Variants in IMMP2L observed in about 807,000 individuals in gnomAD.
IMMP2L encodes the protein mitochondrial inner membrane protease subunit 2.
IMMP2L carries 18 observed loss-of-function variants against 19.3 expected under a neutral mutation model. That is an observed-to-expected ratio of 0.93 (90% CI 0.64 to 1.38). The LOEUF (loss-of-function observed/expected upper bound fraction) is 1.38, where lower values mean the gene tolerates loss of function less well. Ranked by LOEUF, IMMP2L falls within the 40% of genes most tolerant of loss-of-function variation. The pLI, the probability that IMMP2L is intolerant of heterozygous loss-of-function variation, is 0.00. For missense variants in IMMP2L, 233 were observed against 218.2 expected (o/e 1.07, Z -0.43); for synonymous variants, 76 against 73.0 (o/e 1.04, Z -0.21).
chr7:111,024,704 TC>T (rs1270961904), intron 3 of IMMP2L, among the ~76,000 whole-genome samples: 1 of 152,186 alleles, frequency 6.6e-6, no homozygotes, highest in Admixed American at 6.6e-5. Context: ...TCAATAACTA[TC>T]ACACATCTAG....
chr7:111,289,215 C>G (rs2130811125), intron 3 of IMMP2L, among the ~76,000 whole-genome samples: 1 of 148,468 alleles, frequency 6.7e-6, no homozygotes, highest in East Asian at 2.0e-4. Flanking sequence ...GGGAGCTGAT[C>G]AATGAGAACA....
At chr7:111,156,060 T>C (rs1391597476) in intron 3 of IMMP2L, among the ~76,000 whole-genome samples, 1 of 151,918 alleles carries the variant, frequency 6.6e-6, no homozygotes, top group Non-Finnish European at 1.5e-5. Context: ...TTCATTGCTC[T>C]ATAGAATTTA....
At chr7:110,738,090 T>C (rs1298615978) in intron 5 of IMMP2L, among the ~76,000 whole-genome samples, 1 of 152,190 alleles carries the variant, frequency 6.6e-6, no homozygotes, top group Non-Finnish European at 1.5e-5. Context: ...CCCTCTGATG[T>C]AGTCTACCCA....
chr7:111,053,058 C>A (rs1793144541), intron 3 of IMMP2L, among the ~76,000 whole-genome samples: 1 of 152,142 alleles, frequency 6.6e-6, no homozygotes, highest in African/African-American at 2.4e-5. Context: ...ATGAATTTGA[C>A]TAAGGGCCAT....
In IMMP2L at chr7:110,840,218, C is replaced by A. The variant is rs559624636; in HGVS notation, c.408+46375G>T. ...CCACTTTCACCCTCAGACATAGGAGCGGTAATAGCTCCTACTATTGCTAGC... is the reference window on the plus strand; with the variant it reads ...CCACTTTCACCCTCAGACATAGGAGAGGTAATAGCTCCTACTATTGCTAGC... On this transcript the variant is annotated intron_variant, in intron 5 of 5. Coordinates refer to ENST00000405709, the MANE Select transcript of IMMP2L (RefSeq NM_032549.4). Among the ~76,000 whole-genome samples, 9 of 152,186 alleles carry A rather than the reference C, an allele frequency of 5.9e-5. No individual in the cohort carries two copies. In the East Asian group the frequency reaches 1.2e-3, roughly 20 times the overall value.
chr7:111,531,662 T>C (rs1400166399), intron 1 of IMMP2L, among the ~76,000 whole-genome samples: 2 of 152,170 alleles, frequency 1.3e-5, no homozygotes, highest in Non-Finnish European at 2.9e-5. Flanking sequence ...CACTGTACTT[T>C]ATTTTTTTCC....
intron 3 of IMMP2L, among the ~76,000 whole-genome samples, chr7:111,193,887 G>C (rs562566564): frequency 6.6e-6 from 1 of 152,044 alleles, no homozygotes. Context: ...TATTTAATCT[G>C]TGTCCTACTC....
At chr7:111,358,550 C>G (rs1314658366) in intron 3 of IMMP2L, among the ~76,000 whole-genome samples, 1 of 152,026 alleles carries the variant, frequency 6.6e-6, no homozygotes, top group African/African-American at 2.4e-5. Context: ...AGTATCCACA[C>G]CAGGCAGCAA....
At chr7:111,142,401 C>A (rs1803032940) in intron 3 of IMMP2L, among the ~76,000 whole-genome samples, 1 of 150,342 alleles carries the variant, frequency 6.7e-6, no homozygotes, top group African/African-American at 2.5e-5. Flanking sequence ...AGTAAGAAAC[C>A]CATGTATTAT....
At chr7:111,025,718 A>C (rs1826737468) in intron 3 of IMMP2L, among the ~76,000 whole-genome samples, 1 of 152,182 alleles carries the variant, frequency 6.6e-6, no homozygotes, top group Non-Finnish European at 1.5e-5. Flanking sequence ...CCAGTGCTTA[A>C]GCCTAGTTGG....
At chr7:111,126,584 A>T (rs936587636) in intron 3 of IMMP2L, among the ~76,000 whole-genome samples, 2 of 152,174 alleles carry the variant, frequency 1.3e-5, no homozygotes, top group Non-Finnish European at 2.9e-5. Flanking sequence ...AAAAGATTAC[A>T]AATCATTGAA....
intron 3 of IMMP2L, among the ~76,000 whole-genome samples, chr7:111,363,830 T>G (rs1829488882): frequency 6.6e-6 from 1 of 152,138 alleles, no homozygotes; most frequent in Non-Finnish European, 1.5e-5. Flanking sequence ...TTTTCTCCTG[T>G]ACTTACTCTT....
chr7:111,226,567 C>T (rs922273318), intron 3 of IMMP2L, among the ~76,000 whole-genome samples: 7 of 152,100 alleles, frequency 4.6e-5, no homozygotes, highest in African/African-American at 1.7e-4. Context: ...GGTCATTCTA[C>T]TGCTTGATCA....
intron 3 of IMMP2L, among the ~76,000 whole-genome samples, chr7:111,396,332 A>G (rs1279289436): frequency 6.6e-6 from 1 of 152,166 alleles, no homozygotes; most frequent in Non-Finnish European, 1.5e-5. Flanking sequence ...GCAGCCATAA[A>G]AAGAATAAGT....
intron 4 of IMMP2L, among the ~76,000 whole-genome samples, chr7:110,912,009 T>C (rs1813111436): frequency 6.6e-6 from 1 of 152,058 alleles, no homozygotes; most frequent in Non-Finnish European, 1.5e-5. Flanking sequence ...AAAAAAATAT[T>C]GATCAGGCAA....
intron 1 of IMMP2L, among the ~76,000 whole-genome samples, chr7:111,531,757 T>C (rs1323419998): frequency 6.6e-6 from 1 of 152,148 alleles, no homozygotes; most frequent in Non-Finnish European, 1.5e-5. Flanking sequence ...AGGACTTAAA[T>C]ATGTATATAA....
intron 3 of IMMP2L, among the ~76,000 whole-genome samples, chr7:111,146,350 A>G (rs959464675): frequency 6.6e-6 from 1 of 152,090 alleles, no homozygotes; most frequent in African/African-American, 2.4e-5. Context: ...TTTTAATATT[A>G]AATTCCCTTT....
chr7:111,491,144 T>A (rs1478520627), intron 2 of IMMP2L, among the ~76,000 whole-genome samples: 1 of 152,178 alleles, frequency 6.6e-6, no homozygotes, highest in African/African-American at 2.4e-5. Flanking sequence ...TATTTTTCTC[T>A]TTCTTATGAT....
intron 3 of IMMP2L, among the ~76,000 whole-genome samples, chr7:111,313,168 T>C (rs1212463941): frequency 1.3e-5 from 2 of 152,094 alleles, no homozygotes. Context: ...ACACTAATGC[T>C]TCTGGAACTC....
Sources: allele counts gnomAD v4.1 joint callset (sites outside exome capture counted in the v4.1 genomes callset), GRCh38; gene constraint gnomAD v4.1.1; transcripts MANE v1.5; gene names NCBI Gene and HGNC (gene_info 2026-07-23, HGNC 2026-07-21).